The following PTPRT variants were observed in gnomAD, a reference collection of about 807,000 sequenced individuals.
PTPRT encodes protein tyrosine phosphatase receptor type T.
Under a neutral mutation model 176.8 loss-of-function variants are expected in PTPRT, and 56 were observed. That is an observed-to-expected ratio of 0.32 (90% confidence interval 0.26 to 0.40). The LOEUF (loss-of-function observed/expected upper bound fraction) is 0.40, where lower values mean the gene tolerates loss of function less well. Ranked by LOEUF, PTPRT falls within the 10% of genes least tolerant of loss-of-function variation. The probability of loss-of-function intolerance (pLI) is 1.00; values close to 1 mark genes in which losing one functional copy is unlikely to be tolerated. For missense variants in PTPRT, 1,540 were observed against 1,908.2 expected, an observed-to-expected ratio of 0.81 and a Z score of 3.60; for synonymous variants, 783 against 739.0, an observed-to-expected ratio of 1.06 and a Z score of -0.96.
intron 14 of PTPRT, among the ~76,000 whole-genome samples, chr20:42,244,494 C>T (rs937953933): frequency 4.6e-5 from 7 of 152,070 alleles, no homozygotes; most frequent in Non-Finnish European, 7.4e-5. Context: ...TTTGAATATA[C>T]CTCCCTAAAA....
the PTPRT span, among the ~76,000 whole-genome samples, chr20:42,043,992 T>C: frequency 6.6e-6 from 1 of 152,204 alleles, no homozygotes; most frequent in African/African-American, 2.4e-5. Context: ...ATTTGTAATC[T>C]CACTCCTCCT....
Position 42,115,186 on chromosome 20 carries a change from C to T in PTPRT, c.3099+13G>A, listed in dbSNP as rs1424820396. On this transcript the variant is annotated intron_variant, in intron 22 of 30. Coordinates refer to ENST00000373187, the MANE Select transcript of PTPRT (RefSeq NM_007050.6). ...ATGGTGGACCGGCTGCCCACAGCCT[C>T]CAAGAAGCTTACCTTCTGGACTGTG... 1.9e-6 allele frequency: 3 copies of T among 1,601,244 alleles called. No individual in the cohort carries two copies. The highest frequency in any genetic ancestry group is 2.6e-6 in the Non-Finnish European group (3 of 1,168,548).
chr20:42,092,574 G>A (rs998597573), intron 27 of PTPRT, among the ~76,000 whole-genome samples: 1 of 152,174 alleles, frequency 6.6e-6, no homozygotes, highest in African/African-American at 2.4e-5. Flanking sequence ...CTTTTTTACT[G>A]TTACCCCTAC....
intron 7 of PTPRT, among the ~76,000 whole-genome samples, chr20:42,650,164 G>A (rs2075003733): frequency 6.6e-6 from 1 of 152,170 alleles, no homozygotes. Context: ...TCTTCCACTT[G>A]GCTCCTTTTT....
intron 1 of PTPRT, among the ~76,000 whole-genome samples, chr20:42,996,960 T>G (rs1332936231): frequency 6.6e-6 from 1 of 152,168 alleles, no homozygotes; most frequent in Non-Finnish European, 1.5e-5. Context: ...AATAAATGCT[T>G]GCTATAATAA....
chr20:42,769,279 A>C (rs565638128), intron 5 of PTPRT, among the ~76,000 whole-genome samples: 1 of 152,330 alleles, frequency 6.6e-6, no homozygotes, highest in Non-Finnish European at 1.5e-5. Context: ...TTCTAACCAC[A>C]GGAAATGGCT....
At chr20:42,735,228 T>A (rs2076521306) in intron 6 of PTPRT, among the ~76,000 whole-genome samples, 1 of 152,160 alleles carries the variant, frequency 6.6e-6, no homozygotes, top group African/African-American at 2.4e-5. Context: ...TTAACCTCTA[T>A]TGCTTGGTCA....
At chr20:42,946,247 G>T (rs1236082112) in intron 1 of PTPRT, among the ~76,000 whole-genome samples, 4 of 152,128 alleles carry the variant, frequency 2.6e-5, no homozygotes, top group Non-Finnish European at 5.9e-5. Flanking sequence ...GGGGGAACTT[G>T]CCCCCAAACA....
At chr20:42,529,254 C>G (rs1357728753) in intron 7 of PTPRT, among the ~76,000 whole-genome samples, 1 of 151,936 alleles carries the variant, frequency 6.6e-6, no homozygotes, top group Admixed American at 6.6e-5. Context: ...TAAAAATCCG[C>G]TTGGTAAAGG....
chr20:42,552,058 G>T (rs1244383183), intron 7 of PTPRT, among the ~76,000 whole-genome samples: 1 of 152,072 alleles, frequency 6.6e-6, no homozygotes, highest in African/African-American at 2.4e-5. Flanking sequence ...TTTTCAACAG[G>T]TGCTGTGTTC....
chr20:42,453,756 C>T lies in PTPRT; in HGVS notation c.1451-5427G>A, dbSNP rs557196845. On this transcript the variant is annotated intron_variant, in intron 8 of 30. Coordinates refer to ENST00000373187, the MANE Select transcript of PTPRT (RefSeq NM_007050.6). ...CGTGATCTTGGCTCAATGCAACCTC[C>T]GCCTCCTAGGTTCAAGTGATTCTCC... is the stretch of plus-strand genomic sequence containing the variant. Among the ~76,000 whole-genome samples the T allele has an allele frequency of 6.6e-5, 10 of 151,454 alleles. No individual in the cohort carries two copies. The South Asian group carries it at 8.3e-4, about 13-fold the overall frequency.
intron 9 of PTPRT, among the ~76,000 whole-genome samples, chr20:42,353,321 C>T (rs570336724): frequency 6.6e-5 from 10 of 152,282 alleles, no homozygotes; most frequent in African/African-American, 2.4e-4. Flanking sequence ...TTTTTGTCTT[C>T]CTCAAATCCT....
chr20:42,413,476 G>C (rs1227059734), intron 9 of PTPRT, among the ~76,000 whole-genome samples: 1 of 152,048 alleles, frequency 6.6e-6, no homozygotes, highest in Non-Finnish European at 1.5e-5. Context: ...CTTAACAAAA[G>C]GTAGGCTTAA....
chr20:42,214,226 G>T (rs1314454005), intron 15 of PTPRT, among the ~76,000 whole-genome samples: 1 of 152,118 alleles, frequency 6.6e-6, no homozygotes, highest in African/African-American at 2.4e-5. Context: ...TAGGCAAAAA[G>T]CCATCACATA....
At chr20:42,672,438 T>C (rs574267097) in intron 7 of PTPRT, among the ~76,000 whole-genome samples, 1 of 152,306 alleles carries the variant, frequency 6.6e-6, no homozygotes, top group Non-Finnish European at 1.5e-5. Flanking sequence ...TGTGAGTCAA[T>C]ACTCCTTAAT....
rs114146019 is a variant in PTPRT at position 42,831,468 on chromosome 20, A to G, written c.215-40002T>C. Among the ~76,000 whole-genome samples, 1,297 of 152,286 alleles carry G rather than the reference A, an allele frequency of 8.5e-3. 28 individuals are homozygous for G. The highest frequency in any genetic ancestry group is 0.029 in the African/African-American group (1,205 of 41,572). On this transcript the variant is annotated intron_variant, in intron 2 of 30. Transcript: ENST00000373187. ...ATAGGGACATTCTGTACATAGGAAC[A>G]GCAAAGATTTCATGACAAAGATACC...
intron 1 of PTPRT, among the ~76,000 whole-genome samples, chr20:43,112,536 A>G (rs540093027): frequency 6.6e-6 from 1 of 152,358 alleles, no homozygotes; most frequent in African/African-American, 2.4e-5. Context: ...ACTATGTGGA[A>G]AGAAAGGATG....
intron 8 of PTPRT, among the ~76,000 whole-genome samples, chr20:42,455,561 T>C (rs1000889912): frequency 6.6e-6 from 1 of 152,330 alleles, no homozygotes; most frequent in East Asian, 1.9e-4. Context: ...TAAATTTTCA[T>C]TGACATTTAA....
intron 7 of PTPRT, among the ~76,000 whole-genome samples, chr20:42,599,403 G>A (rs562479563): frequency 1.3e-5 from 2 of 152,138 alleles, no homozygotes; most frequent in African/African-American, 4.8e-5. Flanking sequence ...CTTAATTGAT[G>A]CATGTCTTCT....
Sources: gnomAD v4.1 joint callset for allele counts (sites outside exome capture counted in the v4.1 genomes callset) on GRCh38, gnomAD v4.1.1 for gene constraint, MANE v1.5 for transcripts, NCBI Gene and HGNC (gene_info 2026-07-23, HGNC 2026-07-21) for gene names.